The following BSDC1 variants were observed in gnomAD, a reference collection of about 807,000 sequenced individuals.
BSDC1 encodes the protein BSD domain-containing protein 1.
BSDC1 carries 29 observed loss-of-function variants against 56.0 expected under a neutral mutation model. The ratio of observed to expected loss-of-function variants is 0.52; its 90% CI spans 0.39 to 0.71. The LOEUF is 0.71. Among genes scored for constraint, BSDC1 ranks in the 30% least tolerant of loss-of-function variants. The probability of loss-of-function intolerance (pLI) is 0.00; values close to 1 mark genes in which losing one functional copy is unlikely to be tolerated. For synonymous variants in BSDC1, 210 were observed against 215.3 expected, an observed-to-expected ratio of 0.98 and a Z score of 0.21; for missense variants, 477 against 548.5, an observed-to-expected ratio of 0.87 and a Z score of 1.30.
At chr1:32,384,035 G>C in intron 3 of BSDC1, 38 bp from the exon 4 acceptor site, 1 of 1,612,576 alleles carries the variant, frequency 6.2e-7, no homozygotes, top group Non-Finnish European at 8.5e-7. Flanking sequence ...AGCGCCCCGG[G>C]AACAGGCTGC....
intron 3 of BSDC1, among the ~76,000 whole-genome samples, chr1:32,384,721 T>C (rs1642607945): frequency 6.6e-6 from 1 of 152,110 alleles, no homozygotes; most frequent in Non-Finnish European, 1.5e-5. Flanking sequence ...CAGACAGGGA[T>C]AGGGTGCTGA....
At chr1:32,386,027 A>G (rs1175316851) in intron 3 of BSDC1, among the ~76,000 whole-genome samples, 2 of 152,138 alleles carry the variant, frequency 1.3e-5, no homozygotes, top group Admixed American at 6.5e-5. Flanking sequence ...CAGTTTAAGT[A>G]AAAAAATAAG....
chr1:32,371,303 CTTTTTTT>C (rs963070889), intron 9 of BSDC1, among the ~76,000 whole-genome samples: 4 of 117,830 alleles, frequency 3.4e-5, no homozygotes, highest in Admixed American at 8.6e-5. Context: ...ACTTTGTAAT[CTTTTTTT>C]TTTTTTTTTT....
intron 9 of BSDC1, among the ~76,000 whole-genome samples, chr1:32,375,222 T>G (rs1278935702): frequency 6.6e-6 from 1 of 151,524 alleles, no homozygotes; most frequent in Non-Finnish European, 1.5e-5. Flanking sequence ...AGGGAGACAC[T>G]GGGTTGGAGA....
At position 32,394,090 on chromosome 1, in the gene BSDC1, A is replaced by T. The variant is rs1642964753; in HGVS notation, c.62T>A (p.Val21Asp). The change falls in exon 2 of 11, where the codon GTC (valine) becomes GAC (aspartate). Residue 21 changes from valine (V) to aspartate (D), a missense_variant. Coordinates refer to ENST00000455895, the MANE Select transcript of BSDC1 (RefSeq NM_018045.8). Reference sequence around the variant, plus strand: ...ACGGGCCCGGCTTACCTTCTCTTTGACTGCTTGGTAGCTCTGCTGCAGCCA... The same window carrying T: ...ACGGGCCCGGCTTACCTTCTCTTTGTCTGCTTGGTAGCTCTGCTGCAGCCA... ...RSWLQQSYQA[V>D]KEKSSEALEF... The T allele has an allele frequency of 6.2e-7, 1 of 1,609,562 alleles. No individual in the cohort carries two copies. The highest frequency in any genetic ancestry group is 8.5e-7 in the Non-Finnish European group (1 of 1,178,256).
At chr1:32,388,921 C>T (rs768430879) in intron 2 of BSDC1, among the ~76,000 whole-genome samples, 1 of 151,524 alleles carries the variant, frequency 6.6e-6, no homozygotes, top group Admixed American at 6.6e-5. Flanking sequence ...TCAGGCTCAG[C>T]TGGCTCTCCC....
intron 9 of BSDC1, among the ~76,000 whole-genome samples, chr1:32,368,927 T>C (rs1036519596): frequency 3.9e-5 from 6 of 152,166 alleles, no homozygotes; most frequent in Non-Finnish European, 7.4e-5. Flanking sequence ...TTCAAACTCC[T>C]GACCTCAATG....
rs1190435304 is a variant in BSDC1, at chr1:32,366,358, T to A, written c.*264A>T. 7.5e-6 allele frequency: 5 copies of A among 668,266 alleles called. No homozygotes were observed. Among genetic ancestry groups the A allele is most frequent in the Non-Finnish European group, 1.4e-5 (5 of 365,740 alleles). The allele number at this position is 668,266 out of a possible 1,614,324, so 41.4% of individuals were successfully genotyped here. A position where few individuals can be genotyped will look rare whatever the true frequency, so the allele number is the denominator to read the frequency against. On this transcript the variant is annotated 3_prime_UTR_variant, in exon 11 of 11. Coordinates refer to ENST00000455895, the MANE Select transcript of BSDC1 (RefSeq NM_018045.8). ...TGTTCAGCAGAAAAACACAGGCTCT[T>A]CTGGTGAGGAGGATAGGTTTCCTCT...
At chr1:32,389,080 G>T (rs1039487848) in intron 2 of BSDC1, among the ~76,000 whole-genome samples, 3 of 151,066 alleles carry the variant, frequency 2.0e-5, no homozygotes, top group African/African-American at 7.3e-5. Flanking sequence ...TCAGCCTCCC[G>T]AGTAGCTGGG....
At chr1:32,379,031 C>T (rs1032868527) in intron 5 of BSDC1, among the ~76,000 whole-genome samples, 192 bp from the exon 6 acceptor site, 7 of 152,298 alleles carry the variant, frequency 4.6e-5, no homozygotes, top group Admixed American at 4.6e-4. Flanking sequence ...GAAGGGGCTG[C>T]AGTCTCCATT....
intron 2 of BSDC1, among the ~76,000 whole-genome samples, chr1:32,391,544 T>G (rs79041742): frequency 0.012 from 1,815 of 150,812 alleles, 21 homozygotes; most frequent in Non-Finnish European, 0.017. Flanking sequence ...CTTTCTCTTT[T>G]TAATTTCTTC....
chr1:32,376,434 G>A lies in BSDC1; in HGVS notation c.984C>T (p.Pro328=). 1 of 1,613,376 alleles carries A rather than the reference G, an allele frequency of 6.2e-7. No homozygotes were observed. Among genetic ancestry groups the A allele is most frequent in the South Asian group, 1.1e-5 (1 of 91,032 alleles). The part of the protein sequence containing the change: ...GLAVDVGETG[P]SPPIHSKPLT... ...GGGGCTTGGAGTGAATAGGGGGTGAGGGTCCAGTCTCACCCACATCCACAG... is the reference window on the plus strand; with the variant it reads ...GGGGCTTGGAGTGAATAGGGGGTGAAGGTCCAGTCTCACCCACATCCACAG... Residue 328 remains proline, a synonymous_variant, in exon 9 of 11, where the codon CCC becomes CCT. Coordinates refer to ENST00000455895, the MANE Select transcript of BSDC1 (RefSeq NM_018045.8).
At chr1:32,369,400 T>G (rs1205879018) in intron 9 of BSDC1, 4 of 813,434 alleles carry the variant, frequency 4.9e-6, no homozygotes, top group Non-Finnish European at 7.0e-6. Flanking sequence ...TCCCAGCTAC[T>G]CAGGAGGCTG....
rs758111936 is a variant in BSDC1, at chr1:32,394,102, C to G, written c.50G>C (p.Ser17Thr). ...TACCTTCTCTTTGACTGCTTGGTAG[C>G]TCTGCTGCAGCCAGCTCCGCCACCA... ...VGWWRSWLQQSYQAVKEKSSE... is the reference protein window; with the variant it reads ...VGWWRSWLQQTYQAVKEKSSE... The change falls in exon 2 of 11, where the codon AGC becomes ACC. Residue 17 changes from serine to threonine, a missense_variant. Coordinates refer to ENST00000455895, the MANE Select transcript of BSDC1 (RefSeq NM_018045.8). 6.2e-7 allele frequency: 1 copy of G among 1,610,430 alleles called. No homozygotes were observed. The highest frequency in any genetic ancestry group is 1.7e-5 in the Admixed American group (1 of 59,622).
chr1:32,366,671 G>A lies in BSDC1; in HGVS notation c.1261-17C>T. On this transcript the variant is annotated splice_polypyrimidine_tract_variant and intron_variant, in intron 10 of 10. Coordinates refer to ENST00000455895, the MANE Select transcript of BSDC1 (RefSeq NM_018045.8). Reference sequence around the variant, plus strand: ...ATCTTCCAGCTGCAAATGGGAGGGGGTAATGGAAATCACAAACACATAGTT... The same window carrying A: ...ATCTTCCAGCTGCAAATGGGAGGGGATAATGGAAATCACAAACACATAGTT... 1.4e-6 allele frequency: 2 copies of A among 1,460,412 alleles called. No homozygotes were observed. The highest frequency in any genetic ancestry group is 1.8e-6 in the Non-Finnish European group (2 of 1,102,700). The allele number at this position is 1,460,412 out of a possible 1,614,324, so 90.5% of individuals were successfully genotyped here.
chr1:32,366,752 T>A (rs1570090708), intron 10 of BSDC1, 98 bp from the exon 11 acceptor site: 1 of 1,435,732 alleles, frequency 7.0e-7, no homozygotes, highest in Non-Finnish European at 9.2e-7. Flanking sequence ...CCACCTCCCA[T>A]CCCCTACCCC....
chr1:32,383,751 G>A, intron 4 of BSDC1, 79 bp downstream of exon 4: 1 of 1,388,874 alleles, frequency 7.2e-7, no homozygotes. Flanking sequence ...AACATGGGCT[G>A]CTTTTGTGAG....
chr1:32,387,055 G>C (rs1295413620), intron 2 of BSDC1, among the ~76,000 whole-genome samples, 160 bp from the exon 3 acceptor site: 1 of 152,230 alleles, frequency 6.6e-6, no homozygotes, highest in Non-Finnish European at 1.5e-5. Flanking sequence ...TCCATGATCT[G>C]GGATTACCTG....
At chr1:32,379,284 C>T (rs1020357527) in intron 5 of BSDC1, among the ~76,000 whole-genome samples, 1 of 152,150 alleles carries the variant, frequency 6.6e-6, no homozygotes, top group African/African-American at 2.4e-5. Context: ...CCATCTGAGT[C>T]TCTGTGGGCT....
Sources: gnomAD v4.1 joint callset for allele counts (sites outside exome capture counted in the v4.1 genomes callset) on GRCh38, gnomAD v4.1.1 for gene constraint, MANE v1.5 for transcripts, NCBI Gene and HGNC (gene_info 2026-07-23, HGNC 2026-07-21) for gene names.